Variants in PDE7B observed in about 807,000 individuals in gnomAD.
PDE7B encodes phosphodiesterase 7B, also known as 3',5'-cyclic-AMP phosphodiesterase 7B.
Under a neutral mutation model 56.2 loss-of-function variants are expected in PDE7B, and 29 were observed. The ratio of observed to expected loss-of-function variants is 0.52; its 90% CI spans 0.38 to 0.70. The LOEUF is 0.70. Ranked by LOEUF, PDE7B falls within the 30% of genes least tolerant of loss-of-function variation. The probability of loss-of-function intolerance (pLI) is 0.00; values close to 1 mark genes in which losing one functional copy is unlikely to be tolerated. For synonymous variants in PDE7B, 197 were observed against 196.9 expected (o/e 1.00, Z 0.00); for missense variants, 490 against 565.0 (o/e 0.87, Z 1.35).
chr6:136,163,710 T>A (rs893366321), intron 8 of PDE7B, among the ~76,000 whole-genome samples: 12 of 152,330 alleles, frequency 7.9e-5, no homozygotes, highest in Middle Eastern at 3.4e-3. Flanking sequence ...ATTTAGGAAT[T>A]TCTTCTATCA....
At chr6:136,146,062 A>C (rs1013445557) in intron 3 of PDE7B, among the ~76,000 whole-genome samples, 1 of 152,218 alleles carries the variant, frequency 6.6e-6, no homozygotes, top group South Asian at 2.1e-4. Context: ...AGCATAATGC[A>C]GCCTAAATAA....
intron 2 of PDE7B, among the ~76,000 whole-genome samples, chr6:136,095,241 C>CT (rs1777454223): frequency 6.6e-6 from 1 of 152,104 alleles, no homozygotes. Flanking sequence ...TTTAAACACA[C>CT]TTTAACACTG....
chr6:136,122,860 T>C (rs1432460059), intron 3 of PDE7B, among the ~76,000 whole-genome samples: 1 of 152,130 alleles, frequency 6.6e-6, no homozygotes, highest in East Asian at 1.9e-4. Context: ...GATCATCCTC[T>C]GTATCTCTCT....
At chr6:136,083,244 T>C (rs1777233926) in intron 2 of PDE7B, among the ~76,000 whole-genome samples, 1 of 152,192 alleles carries the variant, frequency 6.6e-6, no homozygotes, top group South Asian at 2.1e-4. Context: ...TCCAGAAGGG[T>C]TCCAAATAAG....
intron 2 of PDE7B, among the ~76,000 whole-genome samples, chr6:135,975,388 TATC>T (rs1196431260): frequency 1.3e-5 from 2 of 152,122 alleles, no homozygotes; most frequent in Admixed American, 1.3e-4. Context: ...ACCAGAAGGA[TATC>T]ATAAGCAGTA....
chr6:136,163,698 C>T (rs1352295012), intron 8 of PDE7B, among the ~76,000 whole-genome samples: 1 of 152,168 alleles, frequency 6.6e-6, no homozygotes, highest in Non-Finnish European at 1.5e-5. Context: ...GAATGCTTTG[C>T]CATTTAGGAA....
chr6:136,126,849 A>G (rs1164233742), intron 3 of PDE7B, among the ~76,000 whole-genome samples: 1 of 152,164 alleles, frequency 6.6e-6, no homozygotes, highest in Non-Finnish European at 1.5e-5. Flanking sequence ...ATTGAGTTCA[A>G]TGTATACTGC....
intron 2 of PDE7B, among the ~76,000 whole-genome samples, chr6:136,031,663 C>T (rs910441009): frequency 3.5e-5 from 5 of 144,556 alleles, no homozygotes; most frequent in Admixed American, 7.3e-5. Context: ...GGCGTGAACC[C>T]GGGAGGCGGA....
At chr6:136,133,819 C>T (rs796734317) in intron 3 of PDE7B, among the ~76,000 whole-genome samples, 42 of 152,002 alleles carry the variant, frequency 2.8e-4, no homozygotes, top group Non-Finnish European at 4.6e-4. Flanking sequence ...GGTGGGCTGC[C>T]GAAGGACAGA....
At chr6:136,138,141 T>A (rs1356438262) in intron 3 of PDE7B, among the ~76,000 whole-genome samples, 1 of 152,124 alleles carries the variant, frequency 6.6e-6, no homozygotes, top group Non-Finnish European at 1.5e-5. Context: ...CCAGGCACAC[T>A]GTTAACATTC....
At chr6:136,164,640 G>A (rs747728648) in intron 8 of PDE7B, among the ~76,000 whole-genome samples, 3 of 152,106 alleles carry the variant, frequency 2.0e-5, no homozygotes, top group African/African-American at 7.2e-5. Flanking sequence ...AAAGTATTTA[G>A]TACTTAGAGC....
chr6:135,912,972 A>T (rs771192294), intron 1 of PDE7B, among the ~76,000 whole-genome samples: 3 of 152,112 alleles, frequency 2.0e-5, no homozygotes, highest in Non-Finnish European at 4.4e-5. Flanking sequence ...AGTGCTAGAA[A>T]TGAGAACATC....
At chr6:135,928,605 C>T (rs900284404) in intron 1 of PDE7B, among the ~76,000 whole-genome samples, 5 of 147,228 alleles carry the variant, frequency 3.4e-5, no homozygotes, top group Non-Finnish European at 7.5e-5. Context: ...ACATATACAC[C>T]ATGGAATACT....
chr6:136,050,994 C>G lies in PDE7B; in HGVS notation c.83-57737C>G, dbSNP rs190107892. Among the ~76,000 whole-genome samples the G allele has an allele frequency of 2.3e-3, 353 of 152,186 alleles. 1 individual carries two copies. The highest frequency in any genetic ancestry group is 7.3e-3 in the African/African-American group (304 of 41,520). On this transcript the variant is annotated intron_variant, in intron 2 of 12. Coordinates refer to ENST00000308191, the MANE Select transcript of PDE7B (RefSeq NM_018945.4). ...TCTGTTTATGACTACCCAAATAAGT[C>G]AATAGTTAGAAATACAATTGAAGTG...
At chr6:135,968,162 T>C (rs1230551399) in intron 2 of PDE7B, among the ~76,000 whole-genome samples, 1 of 152,098 alleles carries the variant, frequency 6.6e-6, no homozygotes, top group Non-Finnish European at 1.5e-5. Flanking sequence ...TAACTCAAGA[T>C]AGATTAAAGA....
At chr6:135,857,465 C>T (rs552346768) in intron 1 of PDE7B, among the ~76,000 whole-genome samples, 5 of 151,860 alleles carry the variant, frequency 3.3e-5, no homozygotes, top group African/African-American at 7.2e-5. Flanking sequence ...TTTGTTCTGG[C>T]GTGGGGGTGG....
intron 2 of PDE7B, chr6:136,071,356 A>C (rs1213405411): frequency 6.6e-6 from 1 of 152,250 alleles, no homozygotes; most frequent in Non-Finnish European, 1.5e-5. Flanking sequence ...CTTGTAGCTC[A>C]GCTGCCATCG....
At chr6:135,911,332 T>C (rs1776208853) in intron 1 of PDE7B, among the ~76,000 whole-genome samples, 1 of 152,222 alleles carries the variant, frequency 6.6e-6, no homozygotes, top group African/African-American at 2.4e-5. Flanking sequence ...TTTTCTTCAG[T>C]GACCAACTGG....
intron 2 of PDE7B, among the ~76,000 whole-genome samples, chr6:136,053,508 A>G (rs895436383): frequency 1.3e-5 from 2 of 152,028 alleles, no homozygotes; most frequent in Non-Finnish European, 1.5e-5. Flanking sequence ...GAATAGTGCC[A>G]CAATAAACAT....
Sources: gnomAD v4.1 joint callset for allele counts (sites outside exome capture counted in the v4.1 genomes callset) on GRCh38, gnomAD v4.1.1 for gene constraint, MANE v1.5 for transcripts, NCBI Gene and HGNC (gene_info 2026-07-23, HGNC 2026-07-21) for gene names.